IPO9: variants seen among roughly 807,000 people sequenced by gnomAD.
The protein encoded by IPO9 is importin 9.
A neutral mutation model predicts 128.6 loss-of-function variants in IPO9; 28 were observed. The observed-to-expected ratio is 0.22, with a 90% CI of 0.16 to 0.30. The LOEUF is 0.30. Ranked by LOEUF, IPO9 falls within the 10% of genes least tolerant of loss-of-function variation. The pLI, the probability that IPO9 is intolerant of heterozygous loss-of-function variation, is 1.00. For synonymous variants in IPO9, 455 were observed against 475.8 expected (o/e 0.96, Z 0.57); for missense variants, 935 against 1,293.9 (o/e 0.72, Z 4.26).
In IPO9 at chr1:201,875,194, C is replaced by T; in HGVS notation, c.2981C>T (p.Ala994Val). 3 of 1,614,124 alleles carry T rather than the reference C, an allele frequency of 1.9e-6. No homozygotes were observed. In the South Asian group the frequency reaches 3.3e-5, roughly 18 times the overall value. ...GATGATGAGGAAGATGACCCTGATGCCCTGAAGGATCCTCTCTATCAGATT... is the reference window on the plus strand; with the variant it reads ...GATGATGAGGAAGATGACCCTGATGTCCTGAAGGATCCTCTCTATCAGATT... ...YEDDEEDDPD[A>V]LKDPLYQIDL... Residue 994 changes from alanine to valine, a missense_variant, in exon 23 of 24, where the codon GCC becomes GTC. Around this residue, in one of 3 missense-constraint regions of IPO9, gnomAD observed 188 missense variants for 246.7 expected, o/e 0.76. Transcript: ENST00000361565.
chr1:201,854,481 G>A, intron 6 of IPO9, 114 bp from the exon 7 acceptor site: 1 of 1,343,338 alleles, frequency 7.4e-7, no homozygotes, highest in Non-Finnish European at 1.0e-6. Context: ...TTCTGATCAG[G>A]CTTGGAGCCT....
In IPO9 at chr1:201,866,880, A is replaced by G. The variant is rs370074232; in HGVS notation, c.1776A>G (p.Thr592=). ...TGGAGACCCTGTGCATCGTTTGTAC[A>G]GTAGACCCCGAATTCACAGCAAGCA... ...LVMETLCIVC[T]VDPEFTASME... The change falls in exon 15 of 24, where the codon ACA becomes ACG. Residue 592 remains threonine (T), a synonymous_variant. Coordinates refer to ENST00000361565, the MANE Select transcript of IPO9 (RefSeq NM_018085.5). 242 of 1,614,080 alleles carry G rather than the reference A, an allele frequency of 1.5e-4. No individual in the cohort carries two copies. Among genetic ancestry groups the G allele is most frequent in the Non-Finnish European group, 1.9e-4 (227 of 1,180,056 alleles).
rs1170568040 is a variant in IPO9, at chr1:201,869,678, C to T, written c.2093C>T (p.Ala698Val). 1 of 1,614,200 alleles carries T rather than the reference C, an allele frequency of 6.2e-7. No homozygotes were observed. The highest frequency in any genetic ancestry group is 1.1e-5 in the South Asian group (1 of 91,080). Residue 698 changes from alanine (A) to valine (V), a missense_variant, in exon 17 of 24, where the codon GCA becomes GTA. Transcript: ENST00000361565. ...ATCTGCCAAGCTTTCCCTGCTGTGGCACAGTGTACCCTTCACACAGATGAC... is the reference window on the plus strand; with the variant it reads ...ATCTGCCAAGCTTTCCCTGCTGTGGTACAGTGTACCCTTCACACAGATGAC... ...LLICQAFPAV[A>V]QCTLHTDDNA...
chr1:201,847,654 G>C lies in IPO9; in HGVS notation c.312+16G>C. The C allele has an allele frequency of 6.4e-7, 1 of 1,565,702 alleles. No individual in the cohort carries two copies. The highest frequency in any genetic ancestry group is 1.1e-5 in the South Asian group (1 of 90,100). On this transcript the variant is annotated intron_variant, in intron 3 of 23. Transcript: ENST00000361565. ...TACAGAAAGGGTAAGTCAGTTACTT[G>C]ATTAGTCTACCTGAGGAGATTTGAG...
rs1342825313 is a variant in IPO9 at position 201,876,528 on chromosome 1, T to C, written c.*474T>C. The stretch of plus-strand genomic sequence containing the variant: ...CATTATGCTTTGTGCCCTGGACCAC[T>C]GCTGCTCTGGGTTCTCAGGAGGAAC... On this transcript the variant is annotated 3_prime_UTR_variant, in exon 24 of 24. Coordinates refer to ENST00000361565, the MANE Select transcript of IPO9 (RefSeq NM_018085.5). The C allele has an allele frequency of 1.7e-5, 4 of 233,348 alleles. No homozygotes were observed. The highest frequency in any genetic ancestry group is 1.7e-5 in the Non-Finnish European group (2 of 115,076). 14.5% of individuals were successfully genotyped at this position (233,348 alleles called of 1,614,324 possible).
intron 1 of IPO9, among the ~76,000 whole-genome samples, chr1:201,832,880 T>A (rs1281630672): frequency 2.6e-5 from 4 of 152,216 alleles, no homozygotes; most frequent in African/African-American, 9.6e-5. Context: ...ATATCTAATT[T>A]ATGGGGAAAG....
chr1:201,842,156 C>T (rs1365093844), intron 1 of IPO9, among the ~76,000 whole-genome samples: 1 of 152,170 alleles, frequency 6.6e-6, no homozygotes, highest in East Asian at 1.9e-4. Flanking sequence ...AACAGACCAG[C>T]TTCAAGTTGG....
In IPO9 at chr1:201,848,595, G is replaced by T; in HGVS notation, c.514+1G>T. The T allele has an allele frequency of 6.2e-7, 1 of 1,613,636 alleles. No individual in the cohort carries two copies. The highest frequency in any genetic ancestry group is 8.5e-7 in the Non-Finnish European group (1 of 1,179,938). ...CATGGAGCCATGCGTGTGCTGACAG[G>T]TACCAGAAGCCCTTTTCCCTGGTAT... On this transcript the variant is annotated splice_donor_variant, in intron 4 of 23. Transcript: ENST00000361565. LOFTEE classifies it high-confidence loss of function.
chr1:201,858,460 A>T lies in IPO9; in HGVS notation c.1235A>T (p.Asp412Val). 1 of 1,503,648 alleles carries T rather than the reference A, an allele frequency of 6.7e-7. No homozygotes were observed. Among genetic ancestry groups the T allele is most frequent in the Non-Finnish European group, 9.0e-7 (1 of 1,113,720 alleles). The allele number at this position is 1,503,648 out of a possible 1,614,324, so 93.1% of individuals were successfully genotyped here. A position where few individuals can be genotyped will look rare whatever the true frequency, so the allele number is the denominator to read the frequency against. The change falls in exon 12 of 24, where the codon GAT (aspartate) becomes GTT (valine). Residue 412 changes from aspartate to valine, a missense_variant. This residue lies in a region of IPO9 where 741 missense variants were observed against 1,019.1 expected (regional missense o/e 0.73). Transcript: ENST00000361565. ...AQDLLLAVAT[D>V]FQNESAAALA... The stretch of plus-strand genomic sequence containing the variant: ...CTCTCTCTATAGGCTGTGGCCACAG[A>T]TTTCCAGAATGAAAGTGCAGCAGCC...
Position 201,874,878 on chromosome 1 carries a change from G to C in IPO9, c.2880G>C (p.Glu960Asp). The change falls in exon 22 of 24, where the codon GAG becomes GAC. Residue 960 changes from glutamate to aspartate, a missense_variant. By Grantham distance (45) the Glu-to-Asp change is conservative. Coordinates refer to ENST00000361565, the MANE Select transcript of IPO9 (RefSeq NM_018085.5). The part of the protein sequence containing the change: ...MWEDQEEEEE[E>D]EEDGLAGQLL... ...AGGACCAGGAGGAGGAAGAGGAGGA[G>C]GAGGAGGATGGTTTAGCTGGCCAAC... 6.2e-7 allele frequency: 1 copy of C among 1,613,820 alleles called. No homozygotes were observed. Among genetic ancestry groups the C allele is most frequent in the Non-Finnish European group, 8.5e-7 (1 of 1,179,686 alleles).
chr1:201,831,386 G>A (rs1031627646), intron 1 of IPO9, among the ~76,000 whole-genome samples: 6 of 152,158 alleles, frequency 3.9e-5, no homozygotes, highest in African/African-American at 1.4e-4. Flanking sequence ...TTTGGATTTG[G>A]TTAGAGGGTT....
At chr1:201,875,035 A>G (rs1169735314) in intron 22 of IPO9, 99 bp downstream of exon 22, 7 of 1,340,810 alleles carry the variant, frequency 5.2e-6, no homozygotes, top group Non-Finnish European at 7.5e-6. Flanking sequence ...GTGGGCCCAC[A>G]GGGACATTTC....
chr1:201,851,010 TTTTA>T (rs745557334), intron 4 of IPO9, among the ~76,000 whole-genome samples: 1 of 151,828 alleles, frequency 6.6e-6, no homozygotes, highest in African/African-American at 2.4e-5. Flanking sequence ...TTATTTTTAG[TTTTA>T]TTTATTTATT....
At chr1:201,830,633 T>A (rs757994142) in intron 1 of IPO9, among the ~76,000 whole-genome samples, 1 of 152,182 alleles carries the variant, frequency 6.6e-6, no homozygotes, top group Non-Finnish European at 1.5e-5. Context: ...CTAAAGGAAT[T>A]TTTAGCGGCT....
intron 15 of IPO9, 129 bp from the exon 16 acceptor site, chr1:201,868,519 C>G (rs1175190106): frequency 1.1e-6 from 1 of 940,880 alleles, no homozygotes; most frequent in Admixed American, 2.9e-5. Context: ...CACTAGGTCC[C>G]GGGTATGTGA....
chr1:201,859,358 G>A (rs1308476875), intron 13 of IPO9, among the ~76,000 whole-genome samples: 2 of 151,702 alleles, frequency 1.3e-5, no homozygotes, highest in African/African-American at 4.8e-5. Flanking sequence ...GCCGATTCAA[G>A]CTTCACCTAA....
chr1:201,848,565 C>A lies in IPO9; in HGVS notation c.485C>A (p.Ala162Asp). ...ATGTTGGTGAGCGGAGACTTAAATG[C>A]CGTCCATGGAGCCATGCGTGTGCTG... Reference protein sequence around the residue: ...MEMLVSGDLNAVHGAMRVLTE... With the variant: ...MEMLVSGDLNDVHGAMRVLTE... The change falls in exon 4 of 24, where the codon GCC (alanine) becomes GAC (aspartate). Residue 162 changes from alanine to aspartate, a missense_variant. Transcript: ENST00000361565. The A allele has an allele frequency of 1.2e-6, 2 of 1,614,052 alleles. No individual in the cohort carries two copies.
intron 13 of IPO9, 139 bp from the exon 14 acceptor site, chr1:201,863,309 G>A (rs188865508): frequency 1.8e-4 from 133 of 750,298 alleles, no homozygotes; most frequent in African/African-American, 1.6e-3. Context: ...CCGAGATCAC[G>A]CCATCGCACT....
intron 15 of IPO9, among the ~76,000 whole-genome samples, chr1:201,868,296 T>C (rs1450048133): frequency 6.8e-6 from 1 of 148,136 alleles, no homozygotes; most frequent in Non-Finnish European, 1.5e-5. Context: ...CTTCTTAAAG[T>C]ATCAGTTGGG....
Sources: gnomAD v4.1 joint callset for allele counts (sites outside exome capture counted in the v4.1 genomes callset) on GRCh38, gnomAD v4.1.1 for gene constraint, gnomAD v4.1.1 regional missense constraint, MANE v1.5 for transcripts, NCBI Gene and HGNC (gene_info 2026-07-23, HGNC 2026-07-21) for gene names.